Variants in TMC7 observed in about 807,000 individuals in gnomAD.
TMC7 encodes transmembrane channel-like protein 7.
A neutral mutation model predicts 82.9 loss-of-function variants in TMC7; 54 were observed. That is an observed-to-expected ratio of 0.65 (90% CI 0.52 to 0.82). TMC7 has a LOEUF of 0.82. TMC7 is among the 40% of genes least tolerant of loss of function. The pLI is 0.00. For missense variants in TMC7, 820 were observed against 901.2 expected, an observed-to-expected ratio of 0.91 and a Z score of 1.15; for synonymous variants, 350 against 337.9, an observed-to-expected ratio of 1.04 and a Z score of -0.39.
intron 1 of TMC7, among the ~76,000 whole-genome samples, chr16:19,000,339 C>T (rs1003110074): frequency 1.3e-5 from 2 of 151,942 alleles, no homozygotes; most frequent in South Asian, 2.1e-4. Flanking sequence ...TGGTGGTACA[C>T]GCCTGTAATC....
chr16:19,001,635 A>T (rs1357502248), intron 1 of TMC7, among the ~76,000 whole-genome samples: 3 of 152,176 alleles, frequency 2.0e-5, no homozygotes, highest in African/African-American at 7.2e-5. Context: ...GTGAGCTATG[A>T]TGGTACCACT....
At chr16:18,998,830 C>T (rs1210457299) in intron 1 of TMC7, among the ~76,000 whole-genome samples, 2 of 151,944 alleles carry the variant, frequency 1.3e-5, no homozygotes, top group Admixed American at 6.6e-5. Flanking sequence ...TGGAGTTAGT[C>T]ACTGCTCCTG....
intron 1 of TMC7, among the ~76,000 whole-genome samples, chr16:19,003,895 G>A (rs1313768965): frequency 2.9e-4 from 35 of 120,462 alleles, no homozygotes; most frequent in Admixed American, 8.3e-4. Flanking sequence ...CAAACACTGC[G>A]GAAGGCCGCA....
chr16:18,999,072 T>C (rs1246775815), intron 1 of TMC7, among the ~76,000 whole-genome samples: 1 of 152,186 alleles, frequency 6.6e-6, no homozygotes, highest in African/African-American at 2.4e-5. Context: ...AGTGTCTCTC[T>C]CTGTCACCTA....
At chr16:19,003,424 T>C (rs575210339) in intron 1 of TMC7, among the ~76,000 whole-genome samples, 2 of 148,846 alleles carry the variant, frequency 1.3e-5, no homozygotes, top group African/African-American at 5.1e-5. Context: ...TCAGCCCCCC[T>C]GCCCGGCCAG....
intron 1 of TMC7, among the ~76,000 whole-genome samples, chr16:19,004,966 G>A (rs971314057): frequency 7.2e-5 from 11 of 151,984 alleles, no homozygotes; most frequent in Non-Finnish European, 4.4e-5. Context: ...GCCTCCCAAA[G>A]TAGCTGAGAC....
chr16:19,055,636 A>G (rs1157872503), intron 13 of TMC7, among the ~76,000 whole-genome samples: 1 of 151,968 alleles, frequency 6.6e-6, no homozygotes, highest in African/African-American at 2.4e-5. Flanking sequence ...GGGATTACAG[A>G]TTTGTTTTTA....
intron 6 of TMC7, among the ~76,000 whole-genome samples, chr16:19,031,994 C>T (rs1432189653): frequency 6.6e-6 from 1 of 152,212 alleles, no homozygotes; most frequent in Non-Finnish European, 1.5e-5. Flanking sequence ...TTGCTTCTGG[C>T]TGGGCAGCTA....
chr16:19,022,032 A>T (rs940012888), intron 4 of TMC7, among the ~76,000 whole-genome samples: 7 of 152,094 alleles, frequency 4.6e-5, no homozygotes, highest in African/African-American at 1.7e-4. Context: ...ATAACCACAA[A>T]GGTTCATTTC....
intron 7 of TMC7, among the ~76,000 whole-genome samples, chr16:19,036,852 T>A (rs1960773456): frequency 6.6e-6 from 1 of 151,932 alleles, no homozygotes; most frequent in Non-Finnish European, 1.5e-5. Flanking sequence ...ATGGAAGGAA[T>A]CAAATCAAAT....
intron 12 of TMC7, among the ~76,000 whole-genome samples, chr16:19,048,948 T>C (rs1596790821): frequency 6.6e-6 from 1 of 152,208 alleles, no homozygotes; most frequent in East Asian, 1.9e-4. Context: ...TAATGCCATG[T>C]GTCCCCACTC....
intron 3 of TMC7, among the ~76,000 whole-genome samples, chr16:19,020,683 C>A (rs1350999680): frequency 6.6e-6 from 1 of 151,708 alleles, no homozygotes; most frequent in Non-Finnish European, 1.5e-5. Context: ...GCTTGGCCAA[C>A]ATGGTGAAAC....
chr16:18,994,905 T>C (rs1269557467), intron 1 of TMC7, among the ~76,000 whole-genome samples: 1 of 151,966 alleles, frequency 6.6e-6, no homozygotes, highest in Non-Finnish European at 1.5e-5. Context: ...GTAAGGGTGA[T>C]TAGGTTTTAA....
At chr16:19,046,553 A>G (rs1209947949) in intron 11 of TMC7, among the ~76,000 whole-genome samples, 2 of 152,066 alleles carry the variant, frequency 1.3e-5, no homozygotes, top group Non-Finnish European at 2.9e-5. Flanking sequence ...TAAATATGGA[A>G]GCCTGGGCAC....
At chr16:18,995,868 T>C (rs985501238) in intron 1 of TMC7, among the ~76,000 whole-genome samples, 1 of 152,090 alleles carries the variant, frequency 6.6e-6, no homozygotes, top group African/African-American at 2.4e-5. Context: ...AAAGTGCATA[T>C]TGAGAATAAG....
At chr16:19,017,044 G>T (rs1179623583) in intron 3 of TMC7, among the ~76,000 whole-genome samples, 3 of 152,010 alleles carry the variant, frequency 2.0e-5, no homozygotes, top group Non-Finnish European at 2.9e-5. Context: ...AATTAGCTGG[G>T]CATGGTAGTG....
chr16:19,045,302 C>T, intron 10 of TMC7, 39 bp from the exon 11 acceptor site: 1 of 1,540,316 alleles, frequency 6.5e-7, no homozygotes, highest in Non-Finnish European at 9.0e-7. Context: ...TCTGCCTCAG[C>T]TAGGGTCTTT....
rs1356521868 is a variant in TMC7, at chr16:19,063,697, T to TGTGA, written c.*1855_*1856insTGAG. ...TTGTGTGTGTGTGTGTGTGTGTGTG[T>TGTGA]GATGAACACAACGAAAACGTACTGC... On this transcript the variant is annotated 3_prime_UTR_variant, in exon 16 of 16. Transcript: ENST00000304381. 3.3e-5 allele frequency: 5 copies of TGTGA among 151,560 alleles called. No homozygotes were observed. Among genetic ancestry groups the TGTGA allele is most frequent in the Non-Finnish European group, 7.4e-5 (5 of 67,832 alleles). The allele number at this position is 151,560 out of a possible 1,614,324, so 9.4% of individuals were successfully genotyped here.
At chr16:19,015,374 G>A (rs1959630650) in intron 2 of TMC7, among the ~76,000 whole-genome samples, 1 of 151,682 alleles carries the variant, frequency 6.6e-6, no homozygotes, top group Admixed American at 6.6e-5. Context: ...CAATCCTCCT[G>A]CCTCAGCCTC....
Sources: allele counts gnomAD v4.1 joint callset (sites outside exome capture counted in the v4.1 genomes callset), GRCh38; gene constraint gnomAD v4.1.1; transcripts MANE v1.5; gene names NCBI Gene and HGNC (gene_info 2026-07-23, HGNC 2026-07-21).